Variants in ELOVL6 observed in about 807,000 individuals in gnomAD.
ELOVL6 encodes very long chain fatty acid elongase 6.
Under a neutral mutation model 31.7 loss-of-function variants are expected in ELOVL6, and 8 were observed. That is an observed-to-expected ratio of 0.25 (90% CI 0.15 to 0.45). The LOEUF (loss-of-function observed/expected upper bound fraction) is 0.45. Among genes scored for constraint, ELOVL6 ranks in the 20% least tolerant of loss-of-function variants. The pLI is 1.00. For missense variants in ELOVL6, 126 were observed against 326.4 expected (o/e 0.39, Z 4.73); for synonymous variants, 101 against 117.7 (o/e 0.86, Z 0.92).
At chr4:110,057,470 A>G (rs968938171) in intron 3 of ELOVL6, among the ~76,000 whole-genome samples, 2 of 152,180 alleles carry the variant, frequency 1.3e-5, no homozygotes, top group African/African-American at 2.4e-5. Context: ...ATAGGGGATT[A>G]ATAAGGTTAT....
intron 1 of ELOVL6, among the ~76,000 whole-genome samples, chr4:110,180,053 T>C (rs1759225809): frequency 6.6e-6 from 1 of 152,254 alleles, no homozygotes. Flanking sequence ...GACAAACTCT[T>C]AGGTCTCTGA....
intron 1 of ELOVL6, among the ~76,000 whole-genome samples, chr4:110,192,093 G>T (rs1005239240): frequency 1.3e-5 from 2 of 151,456 alleles, no homozygotes; most frequent in Non-Finnish European, 2.9e-5. Flanking sequence ...AGGAGGTTGA[G>T]GTAGGAGAAT....
intron 2 of ELOVL6, among the ~76,000 whole-genome samples, chr4:110,070,849 C>T (rs886346308): frequency 6.6e-6 from 1 of 152,118 alleles, no homozygotes; most frequent in African/African-American, 2.4e-5. Context: ...TCCTGTACAG[C>T]CTGCGGAACT....
intron 2 of ELOVL6, among the ~76,000 whole-genome samples, chr4:110,075,640 A>G (rs1376048126): frequency 6.6e-6 from 1 of 152,220 alleles, no homozygotes; most frequent in Non-Finnish European, 1.5e-5. Context: ...CTTAATGGGT[A>G]CAGTTTCAGT....
chr4:110,137,488 T>G (rs1409118453), intron 1 of ELOVL6, among the ~76,000 whole-genome samples: 1 of 152,192 alleles, frequency 6.6e-6, no homozygotes, highest in Non-Finnish European at 1.5e-5. Context: ...CTTTTCAAGA[T>G]TAGTTTCATT....
chr4:110,108,550 A>G (rs1756948987), intron 1 of ELOVL6, among the ~76,000 whole-genome samples: 1 of 152,222 alleles, frequency 6.6e-6, no homozygotes, highest in Non-Finnish European at 1.5e-5. Flanking sequence ...CAGTCAGTAC[A>G]GAATCATAGA....
intron 2 of ELOVL6, among the ~76,000 whole-genome samples, chr4:110,104,405 A>C (rs1436764715): frequency 1.3e-5 from 2 of 152,204 alleles, no homozygotes; most frequent in African/African-American, 4.8e-5. Context: ...AATAAAAAGT[A>C]TATTCAGTAG....
chr4:110,048,625 T>A lies in ELOVL6; in HGVS notation c.*2713A>T, dbSNP rs1754757790. The A allele has an allele frequency of 2.0e-5, 3 of 152,294 alleles. No individual in the cohort carries two copies. Among genetic ancestry groups the A allele is most frequent in the African/African-American group, 7.2e-5 (3 of 41,560 alleles). The allele number at this position is 152,294 out of a possible 1,614,324, so 9.4% of individuals were successfully genotyped here. On this transcript the variant is annotated 3_prime_UTR_variant, in exon 4 of 4. Coordinates refer to ENST00000302274, the MANE Select transcript of ELOVL6 (RefSeq NM_024090.3). ...CATGGGCCAGTGATCCAGCCTCATA[T>A]CTTGATATGATTAAAGCGGCTAAGC...
chr4:110,055,636 A>T (rs1404180722), intron 3 of ELOVL6, among the ~76,000 whole-genome samples: 1 of 152,016 alleles, frequency 6.6e-6, no homozygotes, highest in African/African-American at 2.4e-5. Flanking sequence ...AGACACAGAG[A>T]GGCTACTCTG....
intron 1 of ELOVL6, among the ~76,000 whole-genome samples, chr4:110,182,309 AT>A (rs1436387956): frequency 7.9e-5 from 12 of 152,214 alleles, no homozygotes; most frequent in Non-Finnish European, 2.9e-5. Flanking sequence ...GACATCAACA[AT>A]ATGGCCCCTC....
rs397994948 is a variant in ELOVL6, at chr4:110,186,803, CAAAAAAAA to C, written c.89+11436_89+11443del. Among the ~76,000 whole-genome samples, 397 of 82,532 alleles carry C rather than the reference CAAAAAAAA, an allele frequency of 4.8e-3. 2 individuals carry two copies. Among genetic ancestry groups the C allele is most frequent in the African/African-American group, 0.018 (349 of 19,680 alleles). The allele number at this position is 82,532 out of a possible 152,430, so 54.1% of individuals were successfully genotyped here. On this transcript the variant is annotated intron_variant, in intron 1 of 3. Coordinates refer to ENST00000302274, the MANE Select transcript of ELOVL6 (RefSeq NM_024090.3). ...TAGGTAACAGAACGAGACTCTGTCT[CAAAAAAAA>C]AAAAAAAAAAAATATATATATATAT...
intron 1 of ELOVL6, among the ~76,000 whole-genome samples, chr4:110,143,540 A>T (rs1054729331): frequency 6.6e-6 from 1 of 152,156 alleles, no homozygotes; most frequent in Admixed American, 6.5e-5. Context: ...ACAATGAGCT[A>T]TTCAAAGGGT....
chr4:110,191,956 G>A (rs762445150), intron 1 of ELOVL6, among the ~76,000 whole-genome samples: 7 of 152,118 alleles, frequency 4.6e-5, no homozygotes, highest in Non-Finnish European at 8.8e-5. Context: ...TTGGGAGGCC[G>A]AGGTAGGTGG....
At chr4:110,106,637 T>C (rs1000218881) in intron 1 of ELOVL6, among the ~76,000 whole-genome samples, 1 of 152,148 alleles carries the variant, frequency 6.6e-6, no homozygotes, top group Non-Finnish European at 1.5e-5. Context: ...CCATCTTGGT[T>C]TGGGTGGGTT....
intron 1 of ELOVL6, among the ~76,000 whole-genome samples, chr4:110,175,416 A>T (rs1759073633): frequency 6.6e-6 from 1 of 152,096 alleles, no homozygotes; most frequent in African/African-American, 2.4e-5. Flanking sequence ...GTTCTCACCT[A>T]TAAAATGGAG....
intron 2 of ELOVL6, among the ~76,000 whole-genome samples, chr4:110,075,905 C>A (rs1755613138): frequency 6.6e-6 from 1 of 151,570 alleles, no homozygotes; most frequent in Admixed American, 6.6e-5. Context: ...AATGTTGGGA[C>A]AAAAAAAAGT....
At chr4:110,080,219 G>A (rs566666915) in intron 2 of ELOVL6, among the ~76,000 whole-genome samples, 6 of 152,262 alleles carry the variant, frequency 3.9e-5, no homozygotes, top group South Asian at 2.1e-4. Flanking sequence ...GAAAGAGAGG[G>A]AATCCTTCCT....
At chr4:110,192,026 C>A (rs1027884418) in intron 1 of ELOVL6, among the ~76,000 whole-genome samples, 1 of 151,552 alleles carries the variant, frequency 6.6e-6, no homozygotes, top group Admixed American at 6.6e-5. Flanking sequence ...CTCGTTTCTA[C>A]TAAATACAAA....
chr4:110,078,747 C>A (rs1164358136), intron 2 of ELOVL6, among the ~76,000 whole-genome samples: 1 of 152,178 alleles, frequency 6.6e-6, no homozygotes, highest in African/African-American at 2.4e-5. Flanking sequence ...CCATATTAAC[C>A]TTAAATGTAA....
Sources: gnomAD v4.1 joint callset for allele counts (sites outside exome capture counted in the v4.1 genomes callset) on GRCh38, gnomAD v4.1.1 for gene constraint, MANE v1.5 for transcripts, NCBI Gene and HGNC (gene_info 2026-07-23, HGNC 2026-07-21) for gene names.